The following NRXN3 variants were observed in gnomAD, a reference collection of about 807,000 sequenced individuals.
NRXN3 encodes neurexin 3.
Under a neutral mutation model 137.6 loss-of-function variants are expected in NRXN3, and 32 were observed. The ratio of observed to expected loss-of-function variants is 0.23; its 90% CI spans 0.18 to 0.31. The LOEUF is 0.31. NRXN3 is among the 10% of genes least tolerant of loss of function. The pLI, the probability that NRXN3 is intolerant of heterozygous loss-of-function variation, is 1.00. For missense variants in NRXN3, 1,574 were observed against 2,062.5 expected (o/e 0.76, Z 4.59); for synonymous variants, 798 against 784.5 (o/e 1.02, Z -0.29).
At chr14:78,904,248 T>A (rs912922041) in intron 10 of NRXN3, among the ~76,000 whole-genome samples, 2 of 152,022 alleles carry the variant, frequency 1.3e-5, no homozygotes, top group African/African-American at 4.8e-5. Flanking sequence ...GAAGACATCA[T>A]TTTGATTGTC....
At chr14:79,380,146 CTTCTTTTTTT>C (rs1414289054) in intron 15 of NRXN3, among the ~76,000 whole-genome samples, 1 of 46,668 alleles carries the variant, frequency 2.1e-5, no homozygotes. Flanking sequence ...AGATATACTT[CTTCTTTTTTT>C]TTTTTTTTTT....
intron 4 of NRXN3, among the ~76,000 whole-genome samples, chr14:78,320,582 C>T (rs151262627): frequency 6.6e-6 from 1 of 152,260 alleles, no homozygotes; most frequent in Non-Finnish European, 1.5e-5. Flanking sequence ...ATCGAAAGTG[C>T]TTGTGTCTGT....
chr14:79,740,578 T>C (rs1323252807), intron 19 of NRXN3, among the ~76,000 whole-genome samples: 1 of 151,182 alleles, frequency 6.6e-6, no homozygotes, highest in Non-Finnish European at 1.5e-5. Context: ...TGTGGTTGTC[T>C]TCTCCACCCT....
chr14:79,751,380 G>A (rs1170793536), intron 19 of NRXN3, among the ~76,000 whole-genome samples: 4 of 151,620 alleles, frequency 2.6e-5, no homozygotes, highest in East Asian at 3.9e-4. Flanking sequence ...TTTGTCTGTT[G>A]TTGGTGTATA....
At chr14:78,903,433 C>A (rs191072828) in intron 10 of NRXN3, among the ~76,000 whole-genome samples, 1 of 152,030 alleles carries the variant, frequency 6.6e-6, no homozygotes, top group Admixed American at 6.6e-5. Flanking sequence ...TGAGCCACTG[C>A]GTCTGACTGA....
In NRXN3 at chr14:78,759,623, C is replaced by T. The variant is rs1359280749; in HGVS notation, c.2045-43997C>T. 2.6e-5 allele frequency among the ~76,000 whole-genome samples: 4 copies of T among 152,152 alleles called. No individual in the cohort carries two copies. The East Asian group carries it at 5.8e-4, about 22-fold the overall frequency. ...ATTGGCCTCGCATTGCTTCTTAGCC[C>T]TGACTCTAAGCAGCCATGATTTCTT... On this transcript the variant is annotated intron_variant, in intron 8 of 20. Transcript: ENST00000335750.
In NRXN3 at chr14:79,261,869, G is replaced by A. The variant is rs533055186; in HGVS notation, c.3263-205352G>A. On this transcript the variant is annotated intron_variant, in intron 15 of 20. Transcript: ENST00000335750. ...GCTCTGGGACTTTGAGAATTTGGCA[G>A]TTTGGGGCTAGTGGGCAAGGAGATT... Among the ~76,000 whole-genome samples, 111 of 152,148 alleles carry A rather than the reference G, an allele frequency of 7.3e-4. 1 individual carries two copies. The highest frequency in any genetic ancestry group is 2.4e-3 in the African/African-American group (101 of 41,504).
At chr14:79,651,230 T>C (rs74063751) in intron 16 of NRXN3, among the ~76,000 whole-genome samples, 95 of 152,154 alleles carry the variant, frequency 6.2e-4, no homozygotes, top group African/African-American at 2.2e-3. Context: ...CTGCTGGCAA[T>C]TTTCCTGAAG....
intron 6 of NRXN3, among the ~76,000 whole-genome samples, chr14:78,662,649 G>C (rs997172592): frequency 2.6e-5 from 4 of 152,156 alleles, no homozygotes; most frequent in African/African-American, 9.7e-5. Flanking sequence ...TTATATGATA[G>C]ATCTATAGTT....
intron 4 of NRXN3, among the ~76,000 whole-genome samples, chr14:78,483,664 GA>G: frequency 6.6e-6 from 1 of 152,262 alleles, no homozygotes; most frequent in Non-Finnish European, 1.5e-5. Flanking sequence ...ATGGCATAGA[GA>G]AAAAAATAAA....
chr14:79,861,521 C>T lies in NRXN3; in HGVS notation c.4273C>T (p.Pro1425Ser). The T allele has an allele frequency of 6.5e-7, 1 of 1,543,900 alleles. No individual in the cohort carries two copies. Among genetic ancestry groups the T allele is most frequent in the Non-Finnish European group, 8.7e-7 (1 of 1,148,338 alleles). Reference sequence around the variant, plus strand: ...CTCGTCTGGGATGGTGCCCAAATTGCCAGCTGGCAAAATGAATAACCGTGA... The same window carrying T: ...CTCGTCTGGGATGGTGCCCAAATTGTCAGCTGGCAAAATGAATAACCGTGA... ...SSSSGMVPKL[P>S]AGKMNNRDLK... The change falls in exon 21 of 21, where the codon CCA becomes TCA. Residue 1425 changes from proline (P) to serine (S), a missense_variant. Pro to Ser is a moderately conservative substitution (Grantham distance 74). This residue lies in a region of NRXN3 where 320 missense variants were observed against 387.1 expected (regional missense o/e 0.83). Coordinates refer to ENST00000335750, the MANE Select transcript of NRXN3 (RefSeq NM_001330195.2). This position sits in a 1 kb window ranked among gnomAD's most constrained non-coding sequence, Gnocchi z 5.4.
chr14:78,660,015 G>A (rs1172061642), intron 6 of NRXN3, among the ~76,000 whole-genome samples: 1 of 152,044 alleles, frequency 6.6e-6, no homozygotes, highest in Non-Finnish European at 1.5e-5. Flanking sequence ...CAGCTACTGG[G>A]GACAGGGATA....
intron 19 of NRXN3, among the ~76,000 whole-genome samples, chr14:79,776,377 C>T (rs1003772980): frequency 6.6e-6 from 1 of 152,122 alleles, no homozygotes; most frequent in African/African-American, 2.4e-5. Flanking sequence ...TTCCAATGGA[C>T]CAATATGGCT....
chr14:78,908,272 G>C (rs1269522908), intron 10 of NRXN3, among the ~76,000 whole-genome samples: 1 of 151,992 alleles, frequency 6.6e-6, no homozygotes, highest in African/African-American at 2.4e-5. Flanking sequence ...AGTTGTACGA[G>C]ACTCCTGAAT....
chr14:78,230,493 TG>T (rs998142444), intron 1 of NRXN3, among the ~76,000 whole-genome samples: 1 of 152,116 alleles, frequency 6.6e-6, no homozygotes, highest in African/African-American at 2.4e-5. Context: ...GAGAGAAGGC[TG>T]GGGAATGCTA....
At chr14:78,577,472 A>T (rs552653615) in intron 4 of NRXN3, among the ~76,000 whole-genome samples, 1 of 150,058 alleles carries the variant, frequency 6.7e-6, no homozygotes, top group African/African-American at 2.4e-5. Context: ...TTATAGGTGA[A>T]TTTTTTTTTT....
intron 20 of NRXN3, among the ~76,000 whole-genome samples, chr14:79,818,551 G>C (rs755651639): frequency 6.6e-6 from 1 of 151,988 alleles, no homozygotes; most frequent in African/African-American, 2.4e-5. Flanking sequence ...ACAGCTAAAA[G>C]AAAGCAAAAA....
rs1174755571 is a variant in NRXN3, at chr14:78,743,962, C to T, written c.2044+28823C>T. On this transcript the variant is annotated intron_variant, in intron 8 of 20. Coordinates refer to ENST00000335750, the MANE Select transcript of NRXN3 (RefSeq NM_001330195.2). The stretch of plus-strand genomic sequence containing the variant: ...AACCTAGCATTCAAAGAGAACACTC[C>T]ATTGTGGACAATAAAATCCTGGTTG... Among the ~76,000 whole-genome samples the T allele has an allele frequency of 3.9e-5, 6 of 152,128 alleles. No individual in the cohort carries two copies. In the East Asian group the frequency reaches 9.6e-4, roughly 24 times the overall value.
At chr14:79,513,666 A>G (rs566405753) in intron 16 of NRXN3, among the ~76,000 whole-genome samples, 2 of 152,344 alleles carry the variant, frequency 1.3e-5, no homozygotes, top group African/African-American at 4.8e-5. Context: ...ATGGCAGTGC[A>G]TAATTACAAG....
Sources: allele counts gnomAD v4.1 joint callset (sites outside exome capture counted in the v4.1 genomes callset), GRCh38; gene constraint gnomAD v4.1.1; regional missense constraint gnomAD v4.1.1; non-coding constraint Gnocchi (gnomAD v3.1); transcripts MANE v1.5; gene names NCBI Gene and HGNC (gene_info 2026-07-23, HGNC 2026-07-21).